The following THEMIS variants were observed in gnomAD, a reference collection of about 807,000 sequenced individuals.
THEMIS encodes thymocyte selection associated.
A neutral mutation model predicts 52.6 loss-of-function variants in THEMIS; 37 were observed. The ratio of observed to expected loss-of-function variants is 0.70; its 90% CI spans 0.54 to 0.93. THEMIS has a LOEUF of 0.93. Ranked by LOEUF, THEMIS falls within the 40% of genes least tolerant of loss-of-function variation. The probability of loss-of-function intolerance (pLI) is 0.00; values close to 1 mark genes in which losing one functional copy is unlikely to be tolerated. For missense variants in THEMIS, 808 were observed against 763.1 expected (o/e 1.06, Z -0.69); for synonymous variants, 292 against 272.7 (o/e 1.07, Z -0.70).
intron 4 of THEMIS, among the ~76,000 whole-genome samples, chr6:127,812,479 A>G (rs1470106263): frequency 6.6e-6 from 1 of 151,846 alleles, no homozygotes; most frequent in African/African-American, 2.4e-5. Context: ...CCATCCCCAG[A>G]AGAAGGGAGT....
chr6:127,884,232 G>A (rs1484553920), intron 1 of THEMIS, among the ~76,000 whole-genome samples: 1 of 151,940 alleles, frequency 6.6e-6, no homozygotes, highest in Admixed American at 6.6e-5. Context: ...GTGTTCTTTG[G>A]GACCCAAGTA....
intron 3 of THEMIS, among the ~76,000 whole-genome samples, chr6:127,819,234 G>A (rs1303751667): frequency 2.7e-5 from 4 of 149,696 alleles, no homozygotes; most frequent in Non-Finnish European, 4.4e-5. Context: ...AAGAATCAAT[G>A]AGCTTGAAGA....
intron 4 of THEMIS, among the ~76,000 whole-genome samples, chr6:127,765,148 G>T (rs1397202638): frequency 1.3e-5 from 2 of 152,044 alleles, no homozygotes; most frequent in Non-Finnish European, 2.9e-5. Context: ...GGTCTCTTCA[G>T]ACTCTTAATG....
chr6:127,908,889 G>C (rs1781343228), intron 1 of THEMIS, among the ~76,000 whole-genome samples: 2 of 151,630 alleles, frequency 1.3e-5, no homozygotes, highest in African/African-American at 4.8e-5. Flanking sequence ...TAACATTTTA[G>C]AGCCTCACAG....
In THEMIS at chr6:127,900,767, T is replaced by TC. The variant is rs992565009; in HGVS notation, c.91+74dup. 5.1e-5 allele frequency: 64 copies of TC among 1,263,496 alleles called. No homozygotes were observed. The South Asian group carries it at 5.8e-4, about 12-fold the overall frequency. 78.3% of individuals were successfully genotyped at this position (1,263,496 alleles called of 1,614,324 possible). A position where few individuals can be genotyped will look rare whatever the true frequency, so the allele number is the denominator to read the frequency against. On this transcript the variant is annotated intron_variant, in intron 1 of 5. Transcript: ENST00000368248. ...GAACTCACATATTTGCTGTTAAAAT[T>TC]CCCCCCCTCCAATTTTCAAAAATGT...
chr6:127,738,433 T>A (rs1775081055), intron 4 of THEMIS, among the ~76,000 whole-genome samples: 1 of 152,098 alleles, frequency 6.6e-6, no homozygotes, highest in Admixed American at 6.5e-5. Flanking sequence ...ACTGAGAAAG[T>A]TCTATCTTAT....
intron 5 of THEMIS, among the ~76,000 whole-genome samples, chr6:127,711,604 T>C (rs1165618863): frequency 2.0e-5 from 3 of 151,978 alleles, no homozygotes; most frequent in Non-Finnish European, 4.4e-5. Context: ...GCCTTTAGCT[T>C]TTTAGATCTT....
At position 127,813,247 on chromosome 6, in the gene THEMIS, T is replaced by A; in HGVS notation, c.1394A>T (p.Asp465Val). ...LPFNVKVSVR[D>V]LSIEEDVLAA... ...CAACACGTCCTCTTCAATGGAAAGATCCCTGACAGACACCTTCACATTGAA... is the reference window on the plus strand; with the variant it reads ...CAACACGTCCTCTTCAATGGAAAGAACCCTGACAGACACCTTCACATTGAA... The change falls in exon 4 of 6, where the codon GAT (aspartate) becomes GTT (valine). Residue 465 changes from aspartate to valine, a missense_variant. Physicochemically the swap from Asp to Val is radical, Grantham distance 152. Coordinates refer to ENST00000368248, the MANE Select transcript of THEMIS (RefSeq NM_001010923.3). 3.7e-6 allele frequency: 6 copies of A among 1,614,080 alleles called. No homozygotes were observed. The highest frequency in any genetic ancestry group is 5.1e-6 in the Non-Finnish European group (6 of 1,180,018).
intron 1 of THEMIS, among the ~76,000 whole-genome samples, chr6:127,894,230 G>A (rs1780897531): frequency 6.6e-6 from 1 of 151,924 alleles, no homozygotes; most frequent in Non-Finnish European, 1.5e-5. Flanking sequence ...AAAAAACAAA[G>A]CATACTTTTT....
rs36037018 is a variant in THEMIS, at chr6:127,810,871, G to GAA, written c.1758+2010_1758+2011dup. 1.8e-3 allele frequency among the ~76,000 whole-genome samples: 257 copies of GAA among 144,790 alleles called. 1 individual carries two copies. Among genetic ancestry groups the GAA allele is most frequent in the African/African-American group, 3.9e-3 (152 of 39,278 alleles). 95.0% of individuals were successfully genotyped at this position (144,790 alleles called of 152,430 possible). A position where few individuals can be genotyped will look rare whatever the true frequency, so the allele number is the denominator to read the frequency against. ...TGCAGGAACTCTTAGCAGTAGGCTG[G>GAA]AAAAAAAAAAAACTGAGAAAGTTTG... On this transcript the variant is annotated intron_variant, in intron 4 of 5. Transcript: ENST00000368248.
intron 1 of THEMIS, among the ~76,000 whole-genome samples, chr6:127,876,438 T>G (rs1780316140): frequency 6.6e-6 from 1 of 152,242 alleles, no homozygotes; most frequent in African/African-American, 2.4e-5. Context: ...ATGGTCATCC[T>G]TAAACAGAGA....
intron 4 of THEMIS, 80 bp from the exon 5 acceptor site, chr6:127,719,903 A>T: frequency 3.9e-6 from 6 of 1,532,510 alleles, no homozygotes; most frequent in Non-Finnish European, 5.3e-6. Flanking sequence ...ATCACATGGC[A>T]ATTCATTTCT....
rs1398504573 is a variant in THEMIS at position 127,710,009 on chromosome 6, G to C, written c.1902C>G (p.Phe634Leu). ...NRGATAIAET[F>L]KNEKHQK The stretch of plus-strand genomic sequence containing the variant: ...GTTATTTTTGATGTTTTTCATTTTT[G>C]AATGTTTCTATAAATAAAAAAAGAA... Residue 634 changes from phenylalanine (F) to leucine (L), a missense_variant, in exon 6 of 6, where the codon TTC becomes TTG. By Grantham distance (22) the Phe-to-Leu change is conservative. Transcript: ENST00000368248. 5.1e-6 allele frequency: 8 copies of C among 1,576,314 alleles called. No individual in the cohort carries two copies. In the South Asian group the frequency reaches 8.2e-5, roughly 16 times the overall value.
At chr6:127,902,335 A>T (rs1781159133), upstream of THEMIS, among the ~76,000 whole-genome samples, 2 of 150,190 alleles carry the variant, frequency 1.3e-5, no homozygotes, top group South Asian at 2.1e-4. Flanking sequence ...AAAAAAAAAA[A>T]AAAAAAAAAA....
chr6:127,766,269 G>A (rs1776195818), intron 4 of THEMIS, among the ~76,000 whole-genome samples: 1 of 152,110 alleles, frequency 6.6e-6, no homozygotes, highest in African/African-American at 2.4e-5. Context: ...AATCCCCAAA[G>A]TGAATTTCGC....
At chr6:127,728,324 G>A (rs927769213) in intron 4 of THEMIS, among the ~76,000 whole-genome samples, 1 of 152,094 alleles carries the variant, frequency 6.6e-6, no homozygotes, top group Non-Finnish European at 1.5e-5. Context: ...TTCATCAAAA[G>A]CAATACATTC....
chr6:127,867,088 G>A (rs1780005341), intron 1 of THEMIS, among the ~76,000 whole-genome samples: 1 of 151,658 alleles, frequency 6.6e-6, no homozygotes, highest in South Asian at 2.1e-4. Flanking sequence ...TTTCTTCTAG[G>A]GGGAAAATCC....
intron 4 of THEMIS, among the ~76,000 whole-genome samples, chr6:127,731,694 C>CTTTTT (rs34588130): frequency 2.1e-5 from 2 of 93,398 alleles, no homozygotes; most frequent in African/African-American, 4.2e-5. Context: ...TTTATTGCTA[C>CTTTTT]TTTTTTTTTT....
chr6:127,870,104 C>T (rs1780111263), intron 1 of THEMIS, among the ~76,000 whole-genome samples: 1 of 152,206 alleles, frequency 6.6e-6, no homozygotes, highest in South Asian at 2.1e-4. Flanking sequence ...CTTCCACTCC[C>T]ATTCGTAAGC....
Sources: gnomAD v4.1 joint callset for allele counts (sites outside exome capture counted in the v4.1 genomes callset) on GRCh38, gnomAD v4.1.1 for gene constraint, MANE v1.5 for transcripts, NCBI Gene and HGNC (gene_info 2026-07-23, HGNC 2026-07-21) for gene names.